Variants in PCDHA1 observed in about 807,000 individuals in gnomAD.
PCDHA1 encodes protocadherin alpha-1.
PCDHA1 carries 42 observed loss-of-function variants against 61.3 expected under a neutral mutation model. The observed-to-expected ratio is 0.69, with a 90% CI of 0.54 to 0.89. The LOEUF (loss-of-function observed/expected upper bound fraction) is 0.89. Among genes scored for constraint, PCDHA1 ranks in the 40% least tolerant of loss-of-function variants. PCDHA1 has a pLI of 0.00. For missense variants in PCDHA1, 1,256 were observed against 1,235.3 expected (o/e 1.02, Z -0.25); for synonymous variants, 610 against 553.8 (o/e 1.10, Z -1.43).
intron 1 of PCDHA1, among the ~76,000 whole-genome samples, chr5:140,912,269 A>T (rs1463580948): frequency 6.6e-6 from 1 of 151,984 alleles, no homozygotes; most frequent in African/African-American, 2.4e-5. Context: ...ACCCTCACAG[A>T]TATACCCAGG....
At chr5:140,807,268 G>C (rs557517265) in intron 1 of PCDHA1, 36 of 1,614,224 alleles carry the variant, frequency 2.2e-5, no homozygotes, top group Non-Finnish European at 3.1e-5. Flanking sequence ...GGGAGGCAGG[G>C]AACGGTCAGC....
intron 1 of PCDHA1, among the ~76,000 whole-genome samples, chr5:140,798,311 T>C (rs536333380): frequency 6.6e-6 from 1 of 152,352 alleles, no homozygotes; most frequent in South Asian, 2.1e-4. Flanking sequence ...ATAAGTAAAA[T>C]AACCCATTAT....
intron 1 of PCDHA1, chr5:140,849,831 G>A (rs2041164266): frequency 6.3e-7 from 1 of 1,598,450 alleles, no homozygotes; most frequent in African/African-American, 1.3e-5. Context: ...TGTGGAGGTG[G>A]CCGACGTGAA....
intron 1 of PCDHA1, among the ~76,000 whole-genome samples, chr5:140,793,305 C>T (rs1377114001): frequency 6.6e-6 from 1 of 152,116 alleles, no homozygotes; most frequent in Admixed American, 6.5e-5. Context: ...CTGTCTGAAA[C>T]CAGTAATTAA....
intron 1 of PCDHA1, chr5:140,859,302 A>G (rs1280073821): frequency 4.7e-5 from 6 of 128,898 alleles, no homozygotes; most frequent in Non-Finnish European, 1.1e-4. Context: ...CTTTAGTATG[A>G]ATTAATATTA....
intron 1 of PCDHA1, among the ~76,000 whole-genome samples, chr5:140,878,601 T>A (rs1409343825): frequency 6.6e-6 from 1 of 152,224 alleles, no homozygotes; most frequent in African/African-American, 2.4e-5. Flanking sequence ...ACCAAGTGAA[T>A]CTTCTAATGT....
At chr5:140,858,107 C>T in intron 1 of PCDHA1, 1 of 1,597,636 alleles carries the variant, frequency 6.3e-7, no homozygotes, top group Non-Finnish European at 8.6e-7. Context: ...GGGCGTGGCG[C>T]CCGAGGTGGC....
chr5:140,965,672 A>G (rs1586083629), intron 1 of PCDHA1, among the ~76,000 whole-genome samples: 1 of 152,360 alleles, frequency 6.6e-6, no homozygotes, highest in South Asian at 2.1e-4. Context: ...TGATAAATGT[A>G]AAAGATTTGA....
chr5:140,846,369 CTTTCTTTTTTT>C (rs1554141260), intron 1 of PCDHA1, among the ~76,000 whole-genome samples: 1 of 102,192 alleles, frequency 9.8e-6, no homozygotes, highest in Admixed American at 1.1e-4. Context: ...TCTTTTCTTT[CTTTCTTTTTTT>C]TTTTTTTTTT....
At chr5:140,872,095 C>G (rs2053482377) in intron 1 of PCDHA1, among the ~76,000 whole-genome samples, 1 of 152,150 alleles carries the variant, frequency 6.6e-6, no homozygotes, top group African/African-American at 2.4e-5. Context: ...GCACTTAGTC[C>G]ATTGGCTTTC....
rs2150397998 is a variant in PCDHA1, at chr5:140,847,199, C to T, written c.2394+58515C>T. On this transcript the variant is annotated intron_variant, in intron 1 of 3. Coordinates refer to ENST00000504120, the MANE Select transcript of PCDHA1 (RefSeq NM_018900.4). ...GGCCATGAGTGATTAAGGAATTTGGCCACTCTTTAGAATTAATTGGGAGCT... is the reference window on the plus strand; with the variant it reads ...GGCCATGAGTGATTAAGGAATTTGGTCACTCTTTAGAATTAATTGGGAGCT... Among the ~76,000 whole-genome samples the T allele has an allele frequency of 2.7e-5, 4 of 149,538 alleles. No homozygotes were observed. In the East Asian group the frequency reaches 7.8e-4, roughly 29 times the overall value.
intron 1 of PCDHA1, chr5:140,857,268 T>C (rs1554149751): frequency 3.1e-6 from 5 of 1,598,704 alleles, no homozygotes; most frequent in Non-Finnish European, 3.4e-6. Flanking sequence ...TACTCATTGG[T>C]GCTGGACAGC....
intron 1 of PCDHA1, among the ~76,000 whole-genome samples, chr5:140,799,564 T>C (rs1206545873): frequency 6.6e-6 from 1 of 152,124 alleles, no homozygotes; most frequent in African/African-American, 2.4e-5. Flanking sequence ...TTAGAAATTA[T>C]GTAAGTTTGA....
chr5:140,907,136 G>A (rs115442963), intron 1 of PCDHA1, among the ~76,000 whole-genome samples: 1,721 of 152,234 alleles, frequency 0.011, 29 homozygotes, highest in African/African-American at 0.038. Flanking sequence ...TGTGAATTCC[G>A]GCTATGGGAG....
intron 1 of PCDHA1, among the ~76,000 whole-genome samples, chr5:140,919,556 A>G (rs980403400): frequency 5.9e-5 from 9 of 152,186 alleles, no homozygotes; most frequent in African/African-American, 2.2e-4. Context: ...ACTGATTTAT[A>G]TTAAGTGAAT....
chr5:140,852,387 C>T (rs1288868596), intron 1 of PCDHA1: 3 of 184,816 alleles, frequency 1.6e-5, no homozygotes, highest in African/African-American at 4.9e-5. Context: ...AAGCAATTCT[C>T]CTGCCTCAGC....
chr5:140,819,055 C>T (rs1766481614), intron 1 of PCDHA1, among the ~76,000 whole-genome samples: 1 of 152,162 alleles, frequency 6.6e-6, no homozygotes, highest in South Asian at 2.1e-4. Context: ...GTTATACCTT[C>T]CTCTGTGACT....
chr5:140,889,518 ATAT>A (rs2062258374), intron 1 of PCDHA1, among the ~76,000 whole-genome samples: 1 of 151,708 alleles, frequency 6.6e-6, no homozygotes, highest in South Asian at 2.1e-4. Flanking sequence ...TCCATTCTTG[ATAT>A]TATTTTTGCT....
chr5:140,802,841 C>T (rs782694897), intron 1 of PCDHA1: 2 of 1,613,538 alleles, frequency 1.2e-6, no homozygotes, highest in Non-Finnish European at 1.7e-6. Context: ...TGGGCAGCAA[C>T]GTGACGCTGC....
Sources: allele counts gnomAD v4.1 joint callset (sites outside exome capture counted in the v4.1 genomes callset), GRCh38; gene constraint gnomAD v4.1.1; transcripts MANE v1.5; gene names NCBI Gene and HGNC (gene_info 2026-07-23, HGNC 2026-07-21).